Variants in MDFIC2 observed in about 807,000 individuals in gnomAD.
The protein encoded by MDFIC2 is MyoD family inhibitor domain containing 2, also known as myoD family inhibitor domain-containing protein 2.
At chr3:70,265,099 T>G (rs575419217) in intron 2 of MDFIC2, among the ~76,000 whole-genome samples, 9 of 152,130 alleles carry the variant, frequency 5.9e-5, no homozygotes, top group Non-Finnish European at 1.2e-4. Context: ...ATGATTCAAT[T>G]ACCTCTCACT....
chr3:70,228,709 T>A (rs1419857801), intron 2 of MDFIC2, among the ~76,000 whole-genome samples: 3 of 151,186 alleles, frequency 2.0e-5, no homozygotes, highest in Non-Finnish European at 4.4e-5. Context: ...ATGAAGGAAA[T>A]GTATATTCTT....
At chr3:70,227,693 A>G (rs1191650598) in intron 2 of MDFIC2, among the ~76,000 whole-genome samples, 4 of 152,216 alleles carry the variant, frequency 2.6e-5, no homozygotes, top group Non-Finnish European at 4.4e-5. Context: ...TTGAGATGCC[A>G]GATAGTGTTC....
chr3:70,254,784 G>T (rs1198334071), intron 2 of MDFIC2, among the ~76,000 whole-genome samples: 1 of 152,098 alleles, frequency 6.6e-6, no homozygotes, highest in Admixed American at 6.5e-5. Context: ...CTAAACAGTT[G>T]GTAGCTTCTT....
chr3:70,274,012 A>T (rs1701998070), intron 2 of MDFIC2, among the ~76,000 whole-genome samples: 1 of 151,732 alleles, frequency 6.6e-6, no homozygotes, highest in Non-Finnish European at 1.5e-5. Context: ...CAAAACTAAG[A>T]TGCCATTATT....
intron 2 of MDFIC2, among the ~76,000 whole-genome samples, chr3:70,210,754 C>CA (rs1184470604): frequency 2.0e-5 from 3 of 149,082 alleles, no homozygotes; most frequent in South Asian, 2.2e-4. Flanking sequence ...AAAATTAGGA[C>CA]AAAAAATAGA....
chr3:70,202,266 G>A (rs1307239412), intron 3 of MDFIC2, among the ~76,000 whole-genome samples: 1 of 152,122 alleles, frequency 6.6e-6, no homozygotes, highest in Non-Finnish European at 1.5e-5. Flanking sequence ...AGTGGTCAGT[G>A]ACTAGTGGTC....
chr3:70,293,769 A>G (rs1702264199), intron 2 of MDFIC2, among the ~76,000 whole-genome samples: 1 of 152,048 alleles, frequency 6.6e-6, no homozygotes, highest in South Asian at 2.1e-4. Context: ...AAATATAACA[A>G]TGAGTATCTG....
At chr3:70,213,954 G>T (rs976436419) in intron 2 of MDFIC2, among the ~76,000 whole-genome samples, 1 of 151,970 alleles carries the variant, frequency 6.6e-6, no homozygotes, top group African/African-American at 2.4e-5. Context: ...CATAATAAAA[G>T]GTGATTGATA....
At chr3:70,230,098 G>C (rs1042026689) in intron 2 of MDFIC2, among the ~76,000 whole-genome samples, 21 of 152,122 alleles carry the variant, frequency 1.4e-4, no homozygotes, top group Admixed American at 3.9e-4. Flanking sequence ...CAGGGAGTTG[G>C]AAATATTTAC....
chr3:70,244,680 A>G (rs1054061115), intron 2 of MDFIC2, among the ~76,000 whole-genome samples: 8 of 152,182 alleles, frequency 5.3e-5, no homozygotes, highest in African/African-American at 1.7e-4. Flanking sequence ...CTCAAATTTG[A>G]TGGTTAGAAA....
At chr3:70,274,740 T>G (rs1410048349) in intron 2 of MDFIC2, among the ~76,000 whole-genome samples, 1 of 152,156 alleles carries the variant, frequency 6.6e-6, no homozygotes, top group East Asian at 1.9e-4. Context: ...ATCCTGCACA[T>G]GTACCTTGGA....
chr3:70,223,486 C>T (rs1175596292), intron 2 of MDFIC2, among the ~76,000 whole-genome samples: 2 of 152,070 alleles, frequency 1.3e-5, no homozygotes, highest in Admixed American at 1.3e-4. Flanking sequence ...CCTTCCTGAG[C>T]AAAAGTTACT....
intron 2 of MDFIC2, chr3:70,272,321 T>A (rs1178455225): frequency 6.6e-6 from 1 of 152,230 alleles, no homozygotes; most frequent in East Asian, 1.9e-4. Flanking sequence ...GCAATCACTT[T>A]CTGCTACTAT....
chr3:70,312,178 A>T (rs1007112676), intron 1 of MDFIC2, among the ~76,000 whole-genome samples: 3 of 152,130 alleles, frequency 2.0e-5, no homozygotes, highest in African/African-American at 7.2e-5. Context: ...ACTTTATATG[A>T]TATTTCTTTG....
chr3:70,211,102 A>G (rs1701340512), intron 2 of MDFIC2, among the ~76,000 whole-genome samples: 2 of 152,132 alleles, frequency 1.3e-5, no homozygotes, highest in Admixed American at 1.3e-4. Context: ...AGATAAAAGC[A>G]TTCAAATGAT....
intron 2 of MDFIC2, among the ~76,000 whole-genome samples, chr3:70,237,979 C>CTATTTTTTTTTTT (rs1701627865): frequency 2.0e-5 from 1 of 48,932 alleles, no homozygotes; most frequent in African/African-American, 1.1e-4. Context: ...TGAGTGGTAT[C>CTATTTTTTTTTTT]TTTTTTTTTT....
At chr3:70,200,727 A>G (rs1419952269) in intron 3 of MDFIC2, among the ~76,000 whole-genome samples, 3 of 152,198 alleles carry the variant, frequency 2.0e-5, no homozygotes, top group Non-Finnish European at 4.4e-5. Context: ...TCTCTGGTTG[A>G]CTGACTAAAT....
intron 2 of MDFIC2, among the ~76,000 whole-genome samples, chr3:70,213,972 A>T (rs1436995576): frequency 2.6e-5 from 4 of 152,108 alleles, no homozygotes; most frequent in Non-Finnish European, 2.9e-5. Context: ...ATACCCAAAG[A>T]AGCTATGTTT....
At chr3:70,201,318 C>A (rs1453613846) in intron 3 of MDFIC2, among the ~76,000 whole-genome samples, 1 of 152,058 alleles carries the variant, frequency 6.6e-6, no homozygotes, top group African/African-American at 2.4e-5. Flanking sequence ...TGTTTCTGTG[C>A]TAGTTTGCTA....
Sources: gnomAD v4.1 joint callset for allele counts (sites outside exome capture counted in the v4.1 genomes callset) on GRCh38, gnomAD v4.1.1 for gene constraint, MANE v1.5 for transcripts, NCBI Gene and HGNC (gene_info 2026-07-23, HGNC 2026-07-21) for gene names.